The following AGBL4 variants were observed in gnomAD, a reference collection of about 807,000 sequenced individuals.
The protein encoded by AGBL4 is cytosolic carboxypeptidase 6.
In AGBL4, 58 loss-of-function variants were observed where a neutral mutation model predicts 66.4. The ratio of observed to expected loss-of-function variants is 0.87; its 90% CI spans 0.71 to 1.09. The LOEUF (loss-of-function observed/expected upper bound fraction) is 1.09. AGBL4 is among the 50% of genes least tolerant of loss of function. AGBL4 has a pLI of 0.00. For synonymous variants in AGBL4, 234 were observed against 222.9 expected (o/e 1.05, Z -0.44); for missense variants, 579 against 631.0 (o/e 0.92, Z 0.88).
intron 5 of AGBL4, among the ~76,000 whole-genome samples, chr1:49,006,474 T>A (rs1187110595): frequency 6.6e-6 from 1 of 152,204 alleles, no homozygotes; most frequent in Non-Finnish European, 1.5e-5. Flanking sequence ...TTGCCCAGGC[T>A]TGCTTAGGTA....
intron 5 of AGBL4, among the ~76,000 whole-genome samples, chr1:48,987,834 A>C (rs1157397275): frequency 6.6e-6 from 1 of 152,158 alleles, no homozygotes; most frequent in African/African-American, 2.4e-5. Flanking sequence ...TGAGTTTAGC[A>C]ATGTTGCAGG....
At chr1:49,642,317 A>T (rs891397862) in intron 3 of AGBL4, among the ~76,000 whole-genome samples, 2 of 151,988 alleles carry the variant, frequency 1.3e-5, no homozygotes, top group Non-Finnish European at 2.9e-5. Flanking sequence ...GATAATCCTA[A>T]GAGATTAGAA....
chr1:49,119,877 T>A (rs1039848789), intron 4 of AGBL4, among the ~76,000 whole-genome samples: 1 of 152,194 alleles, frequency 6.6e-6, no homozygotes, highest in Non-Finnish European at 1.5e-5. Context: ...ATTGGGTGCA[T>A]ATATATTTAG....
intron 9 of AGBL4, among the ~76,000 whole-genome samples, chr1:48,613,053 G>A (rs1645263633): frequency 6.6e-6 from 1 of 152,038 alleles, no homozygotes; most frequent in Non-Finnish European, 1.5e-5. Flanking sequence ...AGAATTTCTT[G>A]AACTAAGGAG....
intron 1 of AGBL4, among the ~76,000 whole-genome samples, chr1:49,977,016 A>G (rs1658617327): frequency 6.6e-6 from 1 of 152,260 alleles, no homozygotes; most frequent in South Asian, 2.1e-4. Flanking sequence ...TTTTATAATT[A>G]TAAGTTACCT....
At chr1:49,681,807 T>C (rs2124562879) in intron 3 of AGBL4, among the ~76,000 whole-genome samples, 1 of 152,340 alleles carries the variant, frequency 6.6e-6, no homozygotes, top group East Asian at 1.9e-4. Flanking sequence ...AGATCCTTTA[T>C]TCCCTTTGCC....
At chr1:49,467,291 T>C (rs1013383582) in intron 3 of AGBL4, among the ~76,000 whole-genome samples, 2 of 151,880 alleles carry the variant, frequency 1.3e-5, no homozygotes, top group African/African-American at 4.8e-5. Flanking sequence ...ATGTGTTGTT[T>C]AGAAAGTGTT....
intron 3 of AGBL4, among the ~76,000 whole-genome samples, chr1:49,307,532 C>T (rs1237277809): frequency 6.6e-6 from 1 of 152,054 alleles, no homozygotes; most frequent in South Asian, 2.1e-4. Flanking sequence ...ATGCCTATAA[C>T]AATAAATCAT....
At chr1:48,912,915 T>G (rs1273036100) in intron 5 of AGBL4, among the ~76,000 whole-genome samples, 3 of 152,034 alleles carry the variant, frequency 2.0e-5, no homozygotes, top group Non-Finnish European at 4.4e-5. Flanking sequence ...TCAGTGAAAG[T>G]GTCCTAAAGG....
At chr1:49,762,856 C>G (rs754088087) in intron 2 of AGBL4, among the ~76,000 whole-genome samples, 1 of 152,154 alleles carries the variant, frequency 6.6e-6, no homozygotes, top group Non-Finnish European at 1.5e-5. Context: ...TTAACTGCTT[C>G]CCTCTCTGAG....
At chr1:49,184,496 A>C (rs1029560983) in intron 4 of AGBL4, among the ~76,000 whole-genome samples, 1 of 152,146 alleles carries the variant, frequency 6.6e-6, no homozygotes, top group African/African-American at 2.4e-5. Context: ...CCGTCAACAG[A>C]TGCAATCTGT....
chr1:48,534,076 CACA>C lies in AGBL4; in HGVS notation c.*94_*96del. The C allele has an allele frequency of 6.5e-7, 1 of 1,529,282 alleles. No homozygotes were observed. The highest frequency in any genetic ancestry group is 8.9e-7 in the Non-Finnish European group (1 of 1,127,580). The allele number at this position is 1,529,282 out of a possible 1,614,324, so 94.7% of individuals were successfully genotyped here. ...CCTTTCACTAGCCTATGCATTAATCCACAAATCCTTGGAAGCTAGAGAAGAGTG... is the reference window on the plus strand; with the variant it reads ...CCTTTCACTAGCCTATGCATTAATCCAATCCTTGGAAGCTAGAGAAGAGTG... On this transcript the variant is annotated 3_prime_UTR_variant, in exon 14 of 14. Coordinates refer to ENST00000371839, the MANE Select transcript of AGBL4 (RefSeq NM_032785.4).
intron 1 of AGBL4, among the ~76,000 whole-genome samples, chr1:49,971,424 T>C (rs536308166): frequency 6.6e-6 from 1 of 152,264 alleles, no homozygotes; most frequent in East Asian, 1.9e-4. Flanking sequence ...ACAAGAATAG[T>C]GATGCTGGTA....
chr1:48,530,473 T>C (rs1364725765), downstream of AGBL4, among the ~76,000 whole-genome samples: 1 of 152,190 alleles, frequency 6.6e-6, no homozygotes, highest in Admixed American at 6.5e-5. Flanking sequence ...GGTGTGTCAG[T>C]TGAGTTACAG....
chr1:48,951,205 T>C (rs1183368378), intron 5 of AGBL4, among the ~76,000 whole-genome samples: 1 of 152,142 alleles, frequency 6.6e-6, no homozygotes, highest in African/African-American at 2.4e-5. Context: ...TGGACTGGCA[T>C]GGTCAGCAAA....
At chr1:49,127,255 TAAG>T (rs1050591418) in intron 4 of AGBL4, among the ~76,000 whole-genome samples, 4 of 152,140 alleles carry the variant, frequency 2.6e-5, no homozygotes, top group Admixed American at 1.3e-4. Context: ...GGTTTTAAAT[TAAG>T]AAGATACAGA....
intron 2 of AGBL4, among the ~76,000 whole-genome samples, chr1:49,699,763 G>T (rs1480194463): frequency 1.3e-5 from 2 of 151,860 alleles, no homozygotes; most frequent in Non-Finnish European, 2.9e-5. Flanking sequence ...AATGAGATAT[G>T]TAGGTCAAAG....
intron 6 of AGBL4, among the ~76,000 whole-genome samples, chr1:48,733,770 T>G (rs1426164499): frequency 6.6e-6 from 1 of 152,146 alleles, no homozygotes. Flanking sequence ...TTACAAGAAA[T>G]CACACAAAAT....
chr1:49,877,066 G>A lies in AGBL4; in HGVS notation c.35-25548C>T, dbSNP rs951902325. 6.3e-4 allele frequency among the ~76,000 whole-genome samples: 96 copies of A among 151,674 alleles called. 1 individual carries two copies. Among genetic ancestry groups the A allele is most frequent in the South Asian group, 3.3e-3 (16 of 4,782 alleles). On this transcript the variant is annotated intron_variant, in intron 1 of 13. Coordinates refer to ENST00000371839, the MANE Select transcript of AGBL4 (RefSeq NM_032785.4). ...GCTTAAGGAGATTTTGGGCTGAGAC[G>A]ATGGGGTTTTCTAGATAAACAATCA...
Sources: gnomAD v4.1 joint callset for allele counts (sites outside exome capture counted in the v4.1 genomes callset) on GRCh38, gnomAD v4.1.1 for gene constraint, MANE v1.5 for transcripts, NCBI Gene and HGNC (gene_info 2026-07-23, HGNC 2026-07-21) for gene names.